LRBA: variants seen among roughly 807,000 people sequenced by gnomAD.
The protein encoded by LRBA is lipopolysaccharide-responsive and beige-like anchor protein.
LRBA carries 176 observed loss-of-function variants against 330.0 expected under a neutral mutation model. The observed-to-expected ratio is 0.53, with a 90% confidence interval of 0.47 to 0.60. The LOEUF is 0.60. Among genes scored for constraint, LRBA ranks in the 20% least tolerant of loss-of-function variants. The probability of loss-of-function intolerance (pLI) is 0.00; values close to 1 mark genes in which losing one functional copy is unlikely to be tolerated. For synonymous variants in LRBA, 1,230 were observed against 1,193.0 expected (o/e 1.03, Z -0.64); for missense variants, 3,259 against 3,444.8 (o/e 0.95, Z 1.35).
intron 34 of LRBA, among the ~76,000 whole-genome samples, chr4:150,766,745 A>G (rs2126501981): frequency 6.6e-6 from 1 of 152,292 alleles, no homozygotes; most frequent in East Asian, 1.9e-4. Flanking sequence ...GGTCTTGGTT[A>G]TCCTTCTCCC....
intron 40 of LRBA, among the ~76,000 whole-genome samples, chr4:150,534,737 G>A (rs2152209724): frequency 6.6e-6 from 1 of 152,240 alleles, no homozygotes; most frequent in African/African-American, 2.4e-5. Flanking sequence ...GTGAAAATTG[G>A]AAAGGAATCA....
chr4:150,778,282 A>G (rs1396846367), intron 34 of LRBA, among the ~76,000 whole-genome samples: 3 of 152,200 alleles, frequency 2.0e-5, no homozygotes, highest in Admixed American at 6.5e-5. Context: ...TCTAATATGT[A>G]CCTGTAGCTT....
At chr4:150,903,371 T>C (rs1000145095) in intron 13 of LRBA, among the ~76,000 whole-genome samples, 1 of 151,822 alleles carries the variant, frequency 6.6e-6, no homozygotes, top group African/African-American at 2.4e-5. Context: ...TCTGGCAGAA[T>C]AGTTATAAGT....
At chr4:151,007,329 G>A (rs1324435429) in intron 2 of LRBA, among the ~76,000 whole-genome samples, 3 of 151,840 alleles carry the variant, frequency 2.0e-5, no homozygotes, top group Non-Finnish European at 4.4e-5. Context: ...GTGAAACCCT[G>A]TCTCTACTAA....
intron 50 of LRBA, among the ~76,000 whole-genome samples, chr4:150,316,373 G>C (rs968373069): frequency 3.9e-5 from 6 of 152,238 alleles, no homozygotes; most frequent in Admixed American, 2.6e-4. Context: ...TAATTGAAGA[G>C]AGGTTTTGCA....
At chr4:150,606,991 T>C (rs1275739577) in intron 37 of LRBA, among the ~76,000 whole-genome samples, 1 of 151,596 alleles carries the variant, frequency 6.6e-6, no homozygotes, top group East Asian at 1.9e-4. Context: ...TAAACAGGAG[T>C]CTGCTGAACA....
intron 40 of LRBA, among the ~76,000 whole-genome samples, chr4:150,556,788 G>T (rs1169437906): frequency 6.6e-6 from 1 of 152,160 alleles, no homozygotes; most frequent in Non-Finnish European, 1.5e-5. Context: ...AAATGTTGTG[G>T]TGTATAAATT....
At chr4:150,386,577 T>G (rs1241552607) in intron 47 of LRBA, among the ~76,000 whole-genome samples, 2 of 151,982 alleles carry the variant, frequency 1.3e-5, no homozygotes, top group East Asian at 3.9e-4. Flanking sequence ...TCCACCCATG[T>G]CCCTGCAAAA....
intron 47 of LRBA, among the ~76,000 whole-genome samples, chr4:150,385,002 T>C (rs921048326): frequency 1.5e-4 from 23 of 152,210 alleles, no homozygotes; most frequent in African/African-American, 5.5e-4. Context: ...TCATAAATAT[T>C]AGTTAGCTAA....
Position 150,350,401 on chromosome 4 carries a change from C to A in LRBA, c.7195-242G>T, listed in dbSNP as rs1254273724. Reference sequence around the variant, plus strand: ...CTTGGCCAACATGGCGAAACCCGGTCTCTACTAAAAATACAAAAATTAGCT... The same window carrying A: ...CTTGGCCAACATGGCGAAACCCGGTATCTACTAAAAATACAAAAATTAGCT... On this transcript the variant is annotated intron_variant, in intron 47 of 56. Coordinates refer to ENST00000651943, the MANE Select transcript of LRBA (RefSeq NM_001364905.1). Among the ~76,000 whole-genome samples, 3 of 152,082 alleles carry A rather than the reference C, an allele frequency of 2.0e-5. No individual in the cohort carries two copies. The East Asian group carries it at 5.8e-4, about 29-fold the overall frequency.
At chr4:150,419,849 G>A (rs1748382606) in intron 46 of LRBA, among the ~76,000 whole-genome samples, 1 of 150,994 alleles carries the variant, frequency 6.6e-6, no homozygotes, top group Non-Finnish European at 1.5e-5. Flanking sequence ...TGTTGGCCAG[G>A]CTAGTCTCAA....
chr4:150,641,387 A>T (rs567896482), intron 37 of LRBA, among the ~76,000 whole-genome samples: 27 of 152,142 alleles, frequency 1.8e-4, no homozygotes, highest in Non-Finnish European at 3.4e-4. Context: ...CATTAATTAC[A>T]TATATCTAAA....
intron 40 of LRBA, among the ~76,000 whole-genome samples, chr4:150,528,813 A>G (rs1005630098): frequency 2.0e-5 from 3 of 152,166 alleles, no homozygotes; most frequent in African/African-American, 7.2e-5. Context: ...ACAAACATAA[A>G]AGATGCTTGT....
At chr4:150,822,238 T>C (rs1024043238) in intron 30 of LRBA, among the ~76,000 whole-genome samples, 8 of 152,172 alleles carry the variant, frequency 5.3e-5, no homozygotes, top group Non-Finnish European at 8.8e-5. Context: ...CCCCTTAAAA[T>C]GTATTACACC....
chr4:150,588,285 G>C (rs1055569268), intron 39 of LRBA, 101 bp from the exon 40 acceptor site: 3 of 1,153,936 alleles, frequency 2.6e-6, no homozygotes, highest in African/African-American at 3.1e-5. Context: ...CTCACGTCTA[G>C]TACTGAACTG....
chr4:150,814,735 T>C (rs747745158), intron 31 of LRBA, among the ~76,000 whole-genome samples: 2 of 152,018 alleles, frequency 1.3e-5, no homozygotes, highest in Non-Finnish European at 1.5e-5. Flanking sequence ...TCACAAATTA[T>C]ACAAAATTTA....
chr4:150,586,530 T>C (rs1204144347), intron 40 of LRBA, among the ~76,000 whole-genome samples: 2 of 152,108 alleles, frequency 1.3e-5, no homozygotes, highest in Non-Finnish European at 2.9e-5. Flanking sequence ...TTAATATAAA[T>C]TGGCAGGAGT....
At chr4:150,555,611 C>T (rs534754349) in intron 40 of LRBA, among the ~76,000 whole-genome samples, 2 of 151,928 alleles carry the variant, frequency 1.3e-5, no homozygotes, top group South Asian at 2.1e-4. Flanking sequence ...ATTAGCTGGG[C>T]ATGGTGGCGC....
intron 42 of LRBA, among the ~76,000 whole-genome samples, chr4:150,487,509 A>G (rs1008114541): frequency 1.3e-4 from 20 of 151,622 alleles, no homozygotes; most frequent in Admixed American, 6.6e-5. Context: ...AGTTTAGTCA[A>G]AAGAAAACTT....
Sources: gnomAD v4.1 joint callset for allele counts (sites outside exome capture counted in the v4.1 genomes callset) on GRCh38, gnomAD v4.1.1 for gene constraint, MANE v1.5 for transcripts, NCBI Gene and HGNC (gene_info 2026-07-23, HGNC 2026-07-21) for gene names.